The following CACNA2D3 variants were observed in gnomAD, a reference collection of about 807,000 sequenced individuals.
The protein encoded by CACNA2D3 is calcium voltage-gated channel auxiliary subunit alpha2delta 3.
A neutral mutation model predicts 160.6 loss-of-function variants in CACNA2D3; 60 were observed. That is an observed-to-expected ratio of 0.37 (90% CI 0.30 to 0.46). The LOEUF is 0.46. Ranked by LOEUF, CACNA2D3 falls within the 20% of genes least tolerant of loss-of-function variation. The probability of loss-of-function intolerance (pLI) is 1.00; values close to 1 mark genes in which losing one functional copy is unlikely to be tolerated. For missense variants in CACNA2D3, 1,205 were observed against 1,365.0 expected, an observed-to-expected ratio of 0.88 and a Z score of 1.85; for synonymous variants, 558 against 492.9, an observed-to-expected ratio of 1.13 and a Z score of -1.75.
chr3:55,037,256 C>A (rs1193499957), intron 35 of CACNA2D3, among the ~76,000 whole-genome samples: 1 of 152,200 alleles, frequency 6.6e-6, no homozygotes, highest in Non-Finnish European at 1.5e-5. Flanking sequence ...TGAAGTGATG[C>A]ACCACCATTG....
At chr3:54,979,572 G>A (rs990011795) in intron 29 of CACNA2D3, among the ~76,000 whole-genome samples, 2 of 151,756 alleles carry the variant, frequency 1.3e-5, no homozygotes, top group Admixed American at 1.3e-4. Context: ...TCTTGGCCCT[G>A]GAAAACAAAA....
At chr3:54,484,752 A>G (rs998069817) in intron 4 of CACNA2D3, among the ~76,000 whole-genome samples, 12 of 152,168 alleles carry the variant, frequency 7.9e-5, no homozygotes, top group African/African-American at 2.7e-4. Context: ...TTTATTTCTT[A>G]CTTAAATTGG....
chr3:54,563,023 G>A, intron 6 of CACNA2D3, 92 bp downstream of exon 6: 1 of 1,239,598 alleles, frequency 8.1e-7, no homozygotes. Context: ...AAACTTTTCT[G>A]CCTTTTCTTA....
chr3:54,230,885 T>G (rs1420388018), intron 2 of CACNA2D3, among the ~76,000 whole-genome samples: 1 of 152,190 alleles, frequency 6.6e-6, no homozygotes, highest in African/African-American at 2.4e-5. Context: ...TACATAAAGA[T>G]TAATTAAATG....
At chr3:54,581,660 C>G (rs1702680151) in intron 8 of CACNA2D3, 143 bp from the exon 9 acceptor site, 2 of 682,748 alleles carry the variant, frequency 2.9e-6, no homozygotes, top group East Asian at 5.5e-5. Context: ...AGAGGGACAC[C>G]CATGAGAGAG....
intron 35 of CACNA2D3, among the ~76,000 whole-genome samples, chr3:55,026,271 G>T (rs1703561745): frequency 6.6e-6 from 1 of 152,146 alleles, no homozygotes; most frequent in African/African-American, 2.4e-5. Flanking sequence ...GTTGAAGGAG[G>T]TCTCTAAGGA....
chr3:55,036,549 C>G (rs963995114), intron 35 of CACNA2D3, among the ~76,000 whole-genome samples: 15 of 151,990 alleles, frequency 9.9e-5, no homozygotes, highest in South Asian at 2.1e-4. Context: ...CTCACTGCAA[C>G]CTCCACCTCC....
At chr3:54,421,107 C>T (rs1699830228) in intron 4 of CACNA2D3, among the ~76,000 whole-genome samples, 1 of 152,136 alleles carries the variant, frequency 6.6e-6, no homozygotes, top group Non-Finnish European at 1.5e-5. Flanking sequence ...AAGTTTTGCT[C>T]TGAGATGAAG....
chr3:54,772,827 G>A (rs1235947321), intron 13 of CACNA2D3, among the ~76,000 whole-genome samples: 1 of 152,138 alleles, frequency 6.6e-6, no homozygotes, highest in Non-Finnish European at 1.5e-5. Flanking sequence ...CTTGTGCTTT[G>A]GAGTTGGGTC....
chr3:55,022,109 T>C (rs1703469468), intron 35 of CACNA2D3, among the ~76,000 whole-genome samples: 1 of 152,126 alleles, frequency 6.6e-6, no homozygotes, highest in African/African-American at 2.4e-5. Flanking sequence ...TGCCATTCAA[T>C]TCATTTTGCT....
At chr3:54,528,923 G>A (rs1179583249) in intron 5 of CACNA2D3, among the ~76,000 whole-genome samples, 1 of 152,210 alleles carries the variant, frequency 6.6e-6, no homozygotes, top group African/African-American at 2.4e-5. Context: ...GATCCCATGT[G>A]GCCATGCTGG....
chr3:54,351,180 G>A (rs1011827249), intron 3 of CACNA2D3, among the ~76,000 whole-genome samples: 2 of 151,228 alleles, frequency 1.3e-5, no homozygotes, highest in African/African-American at 4.9e-5. Flanking sequence ...GGGGGTTACC[G>A]CATGTTGGCC....
chr3:54,406,803 A>G (rs1009994595), intron 4 of CACNA2D3, among the ~76,000 whole-genome samples: 25 of 152,172 alleles, frequency 1.6e-4, no homozygotes, highest in Admixed American at 1.4e-3. Flanking sequence ...TTAAGTGAGT[A>G]GATAGATTAT....
chr3:54,448,000 G>A (rs1700248932), intron 4 of CACNA2D3, among the ~76,000 whole-genome samples: 1 of 152,118 alleles, frequency 6.6e-6, no homozygotes, highest in Admixed American at 6.6e-5. Flanking sequence ...GCACAACCAC[G>A]AGGGAATTTA....
chr3:54,711,818 T>C (rs980074353), intron 11 of CACNA2D3, among the ~76,000 whole-genome samples: 3 of 152,224 alleles, frequency 2.0e-5, no homozygotes, highest in African/African-American at 7.2e-5. Context: ...CTCTCTGACA[T>C]GCTTGCCACT....
intron 2 of CACNA2D3, among the ~76,000 whole-genome samples, chr3:54,221,619 T>G (rs75140162): frequency 0.034 from 5,134 of 152,294 alleles, 117 homozygotes; most frequent in Middle Eastern, 0.071. Flanking sequence ...GAGATTTTTG[T>G]AATTTTTAAA....
chr3:54,590,725 G>A (rs1020614256), intron 9 of CACNA2D3, among the ~76,000 whole-genome samples: 2 of 152,034 alleles, frequency 1.3e-5, no homozygotes, highest in South Asian at 4.1e-4. Context: ...GGGATTACAG[G>A]CGTGAGCCAC....
At chr3:54,891,180 CGTGTGTGTGTGTGT>C (rs3836392) in intron 24 of CACNA2D3, among the ~76,000 whole-genome samples, 161 bp from the exon 25 acceptor site, 211 of 141,994 alleles carry the variant, frequency 1.5e-3, no homozygotes, top group African/African-American at 5.0e-3. Context: ...AATCTGTGCT[CGTGTGTGTGTGTGT>C]GTGTGTGTGT....
chr3:54,927,716 C>T (rs1575382549), intron 27 of CACNA2D3, among the ~76,000 whole-genome samples: 1 of 152,252 alleles, frequency 6.6e-6, no homozygotes, highest in African/African-American at 2.4e-5. Context: ...GCATACATTT[C>T]TCTCCACCCT....
Sources: allele counts gnomAD v4.1 joint callset (sites outside exome capture counted in the v4.1 genomes callset), GRCh38; gene constraint gnomAD v4.1.1; transcripts MANE v1.5; gene names NCBI Gene and HGNC (gene_info 2026-07-23, HGNC 2026-07-21).